PLEKHG1: variants seen among roughly 807,000 people sequenced by gnomAD.
PLEKHG1 encodes pleckstrin homology and RhoGEF domain containing G1, also known as pleckstrin homology domain-containing family G member 1.
A neutral mutation model predicts 100.8 loss-of-function variants in PLEKHG1; 44 were observed. The ratio of observed to expected loss-of-function variants is 0.44; its 90% CI spans 0.34 to 0.56. PLEKHG1 has a LOEUF of 0.56. PLEKHG1 is among the 20% of genes least tolerant of loss of function. The pLI, the probability that PLEKHG1 is intolerant of heterozygous loss-of-function variation, is 0.01. For synonymous variants in PLEKHG1, 640 were observed against 662.5 expected, an observed-to-expected ratio of 0.97 and a Z score of 0.52; for missense variants, 1,545 against 1,720.9, an observed-to-expected ratio of 0.90 and a Z score of 1.81.
At chr6:150,792,674 A>C (rs949641189) in intron 4 of PLEKHG1, among the ~76,000 whole-genome samples, 3 of 142,326 alleles carry the variant, frequency 2.1e-5, no homozygotes, top group African/African-American at 7.5e-5. Context: ...ACTCCATCTC[A>C]AAACAACAAC....
At chr6:150,674,353 CT>C (rs1012919938) in intron 3 of PLEKHG1, among the ~76,000 whole-genome samples, 3 of 152,126 alleles carry the variant, frequency 2.0e-5, no homozygotes, top group Admixed American at 6.5e-5. Context: ...AACTTTTCAT[CT>C]CTTAAGGAAT....
chr6:150,830,545 T>C, intron 14 of PLEKHG1, 37 bp from the exon 16 acceptor site: 2 of 1,454,270 alleles, frequency 1.4e-6, no homozygotes, highest in Non-Finnish European at 1.9e-6. Context: ...TTCTCCATGG[T>C]GCTGTGATTC....
At position 150,631,209 on chromosome 6, in the gene PLEKHG1, T is replaced by G. The variant is rs75875548; in HGVS notation, c.-203-6871T>G. 2.0e-5 allele frequency among the ~76,000 whole-genome samples: 3 copies of G among 152,306 alleles called. No homozygotes were observed. In the East Asian group the frequency reaches 5.8e-4, roughly 29 times the overall value. ...CTCAAGGCTTCTAGATCCTCCAGCC[T>G]GTTTGAAATAAATATATACAGCAGC... On this transcript the variant is annotated intron_variant, in intron 1 of 3. Transcript: ENST00000367326.
At chr6:150,805,380 G>A (rs1373640573) in intron 7 of PLEKHG1, among the ~76,000 whole-genome samples, 3 of 152,138 alleles carry the variant, frequency 2.0e-5, no homozygotes, top group African/African-American at 7.2e-5. Context: ...GACTTTTTAA[G>A]CCTTTATTCC....
chr6:150,825,488 G>A (rs1776547256), intron 14 of PLEKHG1, among the ~76,000 whole-genome samples: 1 of 151,910 alleles, frequency 6.6e-6, no homozygotes, highest in African/African-American at 2.4e-5. Flanking sequence ...AGCTGAGGCT[G>A]GAGAATCACT....
intron 4 of PLEKHG1, among the ~76,000 whole-genome samples, chr6:150,791,281 C>G (rs924212992): frequency 6.6e-6 from 1 of 152,048 alleles, no homozygotes; most frequent in Non-Finnish European, 1.5e-5. Context: ...ATTTGTTTAT[C>G]TAGGAGAGGA....
rs35123545 is a variant in PLEKHG1 at position 150,785,033 on chromosome 6, TAAA to T, written c.513-1345_513-1343del. 2.1e-4 allele frequency among the ~76,000 whole-genome samples: 29 copies of T among 136,262 alleles called. 1 individual carries two copies. The East Asian group carries it at 5.8e-3, about 27-fold the overall frequency. The allele number at this position is 136,262 out of a possible 152,430, so 89.4% of individuals were successfully genotyped here. ...CAGAGTGAGACCCTGTCTCTAAAAT[TAAA>T]AAAAAAAAAAAGAGAGAGAGAGACA... is the stretch of plus-strand genomic sequence containing the variant. On this transcript the variant is annotated intron_variant, in intron 3 of 15. Coordinates refer to ENST00000358517, the Ensembl canonical transcript of PLEKHG1.
rs150450335 is a variant in PLEKHG1, at chr6:150,637,855, A to G, written c.-203-225A>G. Among the ~76,000 whole-genome samples the G allele has an allele frequency of 6.3e-4, 96 of 152,338 alleles. No individual in the cohort carries two copies. The South Asian group carries it at 8.1e-3, about 13-fold the overall frequency. On this transcript the variant is annotated intron_variant, in intron 1 of 3. Coordinates refer to the PLEKHG1 transcript ENST00000367326. ...CACTAATATTAATGTATCTTCACCT[A>G]GAAATCGAGTAGGTGGATTTTAGGC...
rs1049006494 is a variant in PLEKHG1, at chr6:150,629,277, T to C, written c.-203-8803T>C. On this transcript the variant is annotated intron_variant, in intron 1 of 3. Transcript: ENST00000367326. ...CGGATATACCCTAAAGAAATAAACC[T>C]TTCTGGACACCAGATTCTACATTGC... Among the ~76,000 whole-genome samples, 8 of 152,282 alleles carry C rather than the reference T, an allele frequency of 5.3e-5. 1 individual carries two copies. The South Asian group carries it at 1.7e-3, about 32-fold the overall frequency.
intron 3 of PLEKHG1, among the ~76,000 whole-genome samples, chr6:150,677,286 A>ACGCG (rs1562429826): frequency 4.2e-4 from 20 of 47,836 alleles, no homozygotes; most frequent in African/African-American, 1.0e-3. Context: ...CTTCCCCTAT[A>ACGCG]CACACACACA....
rs577504304 is a variant in PLEKHG1 at position 150,795,122 on chromosome 6, C to T, written c.583-734C>T. 2.4e-4 allele frequency among the ~76,000 whole-genome samples: 37 copies of T among 152,270 alleles called. No homozygotes were observed. The South Asian group carries it at 6.8e-3, about 28-fold the overall frequency. ...ATAATTTCAAGGCCAGGCATAGTGG[C>T]TCATGCCTGTAATCCCAGCACTTTG... On this transcript the variant is annotated intron_variant, in intron 4 of 15. Transcript: ENST00000358517.
chr6:150,830,954 A>G (rs776992350), exon 15 of PLEKHG1: 4 of 1,613,798 alleles, frequency 2.5e-6, no homozygotes, highest in African/African-American at 1.3e-5. Context: ...TGCTGGGGAG[A>G]GCAACACATG....
chr6:150,659,945 C>A (rs1298550658), intron 3 of PLEKHG1, among the ~76,000 whole-genome samples: 1 of 152,072 alleles, frequency 6.6e-6, no homozygotes, highest in Non-Finnish European at 1.5e-5. Flanking sequence ...CTTTTTTGAT[C>A]CAAAATTTAG....
In PLEKHG1 at chr6:150,649,020, GT is replaced by G. The variant is rs200857298; in HGVS notation, c.-157-1703del. ...TCATTCTGCAATGAACCACCTACTT[GT>G]TTTTAAATATTTAAATCACAGAATC... On this transcript the variant is annotated intron_variant, in intron 2 of 3. Transcript: ENST00000367326. Among the ~76,000 whole-genome samples the G allele has an allele frequency of 8.3e-3, 1,257 of 151,446 alleles. 64 individuals are homozygous for G. The highest frequency in any genetic ancestry group is 0.076 in the Admixed American group (1,155 of 15,240).
At chr6:150,697,106 A>AG (rs1780575236) in intron 3 of PLEKHG1, among the ~76,000 whole-genome samples, 4 of 124,624 alleles carry the variant, frequency 3.2e-5, no homozygotes, top group Non-Finnish European at 6.9e-5. Context: ...AAAGAAAAAA[A>AG]AAAAGAAGAA....
chr6:150,824,648 A>G lies in PLEKHG1; in HGVS notation c.1470+972A>G, dbSNP rs1341182608. The stretch of plus-strand genomic sequence containing the variant: ...GCAATTCTCCTGCCTCAGCCTCCCA[A>G]GTAGCCTAGTAGCTTGGACTACAGG... On this transcript the variant is annotated intron_variant, in intron 14 of 15. Transcript: ENST00000358517. Among the ~76,000 whole-genome samples, 3 of 151,652 alleles carry G rather than the reference A, an allele frequency of 2.0e-5. No individual in the cohort carries two copies. The East Asian group carries it at 5.8e-4, about 29-fold the overall frequency.
At chr6:150,664,715 C>A (rs1373912833) in intron 3 of PLEKHG1, among the ~76,000 whole-genome samples, 2 of 152,106 alleles carry the variant, frequency 1.3e-5, no homozygotes, top group Non-Finnish European at 2.9e-5. Flanking sequence ...AAGGTGCTGG[C>A]AGTTCAGCTG....
chr6:150,730,689 G>A (rs908192332), intron 1 of PLEKHG1, among the ~76,000 whole-genome samples: 6 of 152,152 alleles, frequency 3.9e-5, no homozygotes, highest in South Asian at 2.1e-4. Context: ...GATCACCTGC[G>A]GTCAGGAGTT....
intron 3 of PLEKHG1, among the ~76,000 whole-genome samples, chr6:150,699,806 CA>C (rs1410002838): frequency 6.6e-6 from 1 of 152,148 alleles, no homozygotes; most frequent in Non-Finnish European, 1.5e-5. Flanking sequence ...CTTAGCTAAA[CA>C]AATAAACTAA....
Sources: allele counts gnomAD v4.1 joint callset (sites outside exome capture counted in the v4.1 genomes callset), GRCh38; gene constraint gnomAD v4.1.1; transcripts MANE v1.5; gene names NCBI Gene and HGNC (gene_info 2026-07-23, HGNC 2026-07-21).